The following SHISA9 variants were observed in gnomAD, a reference collection of about 807,000 sequenced individuals.
SHISA9 encodes the protein protein shisa-9.
In SHISA9, 13 loss-of-function variants were observed where a neutral mutation model predicts 38.0. The observed-to-expected ratio is 0.34, with a 90% CI of 0.22 to 0.54. The LOEUF (loss-of-function observed/expected upper bound fraction) is 0.54, where lower values mean the gene tolerates loss of function less well. Ranked by LOEUF, SHISA9 falls within the 20% of genes least tolerant of loss-of-function variation. The pLI is 0.91. For synonymous variants in SHISA9, 275 were observed against 242.0 expected (o/e 1.14, Z -1.27); for missense variants, 538 against 575.8 (o/e 0.93, Z 0.67).
At chr16:13,260,061 G>T in the SHISA9 span, among the ~76,000 whole-genome samples, 1 of 110,056 alleles carries the variant, frequency 9.1e-6, no homozygotes, top group Admixed American at 1.4e-4. Context: ...CTGTCACCCA[G>T]GCTGGAGTGC....
the SHISA9 span, among the ~76,000 whole-genome samples, chr16:13,404,330 A>G: frequency 7.0e-4 from 107 of 152,226 alleles, 1 homozygote; most frequent in Non-Finnish European, 1.2e-3. Flanking sequence ...AAAATGAAAC[A>G]ATGAGAATTT....
intron 4 of SHISA9, among the ~76,000 whole-genome samples, chr16:13,230,313 G>T (rs1365279615): frequency 8.0e-5 from 12 of 149,410 alleles, no homozygotes; most frequent in Non-Finnish European, 1.5e-5. Context: ...ATGGAGAAAG[G>T]ATTGGAGGAG....
chr16:13,539,323 C>T, the SHISA9 span, among the ~76,000 whole-genome samples: 1,732 of 71,108 alleles, frequency 0.024, 112 homozygotes, highest in Admixed American at 0.037. Flanking sequence ...TATATAAAGA[C>T]AGGATCTTTA....
chr16:13,004,661 A>G (rs758289376), intron 2 of SHISA9, among the ~76,000 whole-genome samples: 11 of 152,104 alleles, frequency 7.2e-5, no homozygotes, highest in Non-Finnish European at 1.6e-4. Context: ...GTGGTGGCTC[A>G]TGCCTGTAAT....
intron 2 of SHISA9, among the ~76,000 whole-genome samples, chr16:13,064,619 G>C (rs2073412893): frequency 6.6e-6 from 1 of 152,192 alleles, no homozygotes; most frequent in Middle Eastern, 3.4e-3. Flanking sequence ...AATACCACTA[G>C]TAGCCAATAA....
chr16:13,314,098 G>A, the SHISA9 span, among the ~76,000 whole-genome samples: 1 of 152,214 alleles, frequency 6.6e-6, no homozygotes. Flanking sequence ...GGAAGGTTGA[G>A]CTAGGTGATC....
chr16:13,194,373 A>G (rs193072648), intron 2 of SHISA9, among the ~76,000 whole-genome samples: 1 of 152,238 alleles, frequency 6.6e-6, no homozygotes, highest in South Asian at 2.1e-4. Flanking sequence ...CTAAGTCCAC[A>G]GATTCTAGAG....
chr16:13,528,253 G>A, the SHISA9 span, among the ~76,000 whole-genome samples: 1 of 152,086 alleles, frequency 6.6e-6, no homozygotes, highest in African/African-American at 2.4e-5. Flanking sequence ...CCCTTGCTCA[G>A]GAGAAGAGGA....
At position 13,144,335 on chromosome 16, in the gene SHISA9, T is replaced by C. The variant is rs1596679130; in HGVS notation, c.692-59059T>C. On this transcript the variant is annotated intron_variant, in intron 2 of 4. Transcript: ENST00000558583. Reference sequence around the variant, plus strand: ...GCCTAGCTAATTTTTGTATTTTTAGTAGAGACAGGGTTTCACCATGTTGGC... The same window carrying C: ...GCCTAGCTAATTTTTGTATTTTTAGCAGAGACAGGGTTTCACCATGTTGGC... Among the ~76,000 whole-genome samples the C allele has an allele frequency of 3.3e-5, 5 of 152,118 alleles. No homozygotes were observed. The South Asian group carries it at 1.0e-3, about 32-fold the overall frequency.
chr16:12,955,353 C>G (rs1197951624), intron 2 of SHISA9, among the ~76,000 whole-genome samples: 1 of 152,136 alleles, frequency 6.6e-6, no homozygotes, highest in East Asian at 1.9e-4. Flanking sequence ...ATCAACACAC[C>G]CTAGAGAATA....
At chr16:12,928,414 G>C (rs1212947348) in intron 2 of SHISA9, among the ~76,000 whole-genome samples, 5 of 152,040 alleles carry the variant, frequency 3.3e-5, no homozygotes, top group African/African-American at 1.2e-4. Flanking sequence ...TGAGGTCTAG[G>C]AAGAAGCATG....
At chr16:13,466,535 G>A in the SHISA9 span, among the ~76,000 whole-genome samples, 1 of 152,120 alleles carries the variant, frequency 6.6e-6, no homozygotes, top group Non-Finnish European at 1.5e-5. Flanking sequence ...GCTTATTGAG[G>A]GCAAAGGAAA....
At chr16:13,485,532 T>G in the SHISA9 span, among the ~76,000 whole-genome samples, 3 of 152,196 alleles carry the variant, frequency 2.0e-5, no homozygotes, top group Non-Finnish European at 4.4e-5. Context: ...AGGGTACTTG[T>G]GATATATTTT....
the SHISA9 span, among the ~76,000 whole-genome samples, chr16:13,401,176 A>G: frequency 6.6e-6 from 1 of 152,236 alleles, no homozygotes; most frequent in Non-Finnish European, 1.5e-5. Flanking sequence ...GAAACTCTTC[A>G]AAGCTCTTTA....
the SHISA9 span, among the ~76,000 whole-genome samples, chr16:13,378,880 T>G: frequency 1.3e-5 from 2 of 152,248 alleles, no homozygotes; most frequent in African/African-American, 4.8e-5. Flanking sequence ...GTTGAGTGAA[T>G]CAGCATTCAG....
At chr16:13,064,771 A>G (rs1326337426) in intron 2 of SHISA9, among the ~76,000 whole-genome samples, 1 of 150,838 alleles carries the variant, frequency 6.6e-6, no homozygotes, top group Non-Finnish European at 1.5e-5. Context: ...ACAACGAAAT[A>G]AAAGTTGTAA....
the SHISA9 span, among the ~76,000 whole-genome samples, chr16:13,488,671 T>A: frequency 4.2e-3 from 576 of 137,816 alleles, 3 homozygotes; most frequent in African/African-American, 0.013. Context: ...GTAGGTGATA[T>A]CATCTAAGTT....
chr16:13,245,539 C>A, the SHISA9 span, among the ~76,000 whole-genome samples: 1 of 152,166 alleles, frequency 6.6e-6, no homozygotes, highest in Admixed American at 6.5e-5. Context: ...TCAGCATTAG[C>A]TTTTGTTATG....
chr16:13,300,700 C>T, the SHISA9 span, among the ~76,000 whole-genome samples: 1 of 152,124 alleles, frequency 6.6e-6, no homozygotes, highest in Non-Finnish European at 1.5e-5. Context: ...CTCTTGTCTC[C>T]ACTCTCTCCC....
Sources: allele counts gnomAD v4.1 joint callset (sites outside exome capture counted in the v4.1 genomes callset), GRCh38; gene constraint gnomAD v4.1.1; transcripts MANE v1.5; gene names NCBI Gene and HGNC (gene_info 2026-07-23, HGNC 2026-07-21).